MACC1: variants seen among roughly 807,000 people sequenced by gnomAD.
MACC1 encodes the protein MET transcriptional regulator MACC1, also known as metastasis-associated in colon cancer protein 1.
MACC1 carries 79 observed loss-of-function variants against 70.7 expected under a neutral mutation model. That is an observed-to-expected ratio of 1.12 (90% CI 0.93 to 1.35). The LOEUF (loss-of-function observed/expected upper bound fraction) is 1.35. MACC1 is among the 40% of genes most tolerant of loss of function. MACC1 has a pLI of 0.00. For synonymous variants in MACC1, 361 were observed against 347.2 expected, an observed-to-expected ratio of 1.04 and a Z score of -0.44; for missense variants, 1,106 against 978.1, an observed-to-expected ratio of 1.13 and a Z score of -1.74.
At chr7:20,154,497 T>A in intron 5 of MACC1, 116 bp from the exon 6 acceptor site, 2 of 1,030,050 alleles carry the variant, frequency 1.9e-6, no homozygotes, top group Non-Finnish European at 2.8e-6. Context: ...TCACTACACG[T>A]ATAATCGAGT....
rs1782022765 is a variant in MACC1, at chr7:20,154,257, G to A, written c.2282C>T (p.Thr761Ile). 1 of 1,613,790 alleles carries A rather than the reference G, an allele frequency of 6.2e-7. No homozygotes were observed. ...TTCATATGCCTCCATTTGTTGCTTT[G>A]TGAGTCGTACTAACTTTTCAGCTAG... ...RELAEKLVRL[T>I]KQQMEAYEIP... Residue 761 changes from threonine to isoleucine, a missense_variant, in exon 6 of 7, where the codon ACA becomes ATA. Physicochemically the swap from Thr to Ile is moderately conservative, Grantham distance 89. Transcript: ENST00000400331.
At chr7:20,153,286 A>G (rs1274738446) in intron 6 of MACC1, 4 of 152,174 alleles carry the variant, frequency 2.6e-5, no homozygotes, top group Non-Finnish European at 4.4e-5. Flanking sequence ...TGTTCACCCA[A>G]CTGGAATGGT....
chr7:20,205,871 A>C (rs1399811491), intron 1 of MACC1, among the ~76,000 whole-genome samples: 2 of 152,038 alleles, frequency 1.3e-5, no homozygotes, highest in African/African-American at 4.8e-5. Flanking sequence ...CCATGTGAAC[A>C]CTGTTTCCAT....
In MACC1 at chr7:20,158,341, A is replaced by AGT. The variant is rs778986111; in HGVS notation, c.2018_2019dup (p.Ser674ThrfsTer25). 2 of 1,613,822 alleles carry AGT rather than the reference A, an allele frequency of 1.2e-6. No homozygotes were observed. The highest frequency in any genetic ancestry group is 1.7e-6 in the Non-Finnish European group (2 of 1,179,996). On this transcript the variant is annotated frameshift_variant, in exon 5 of 7. Coordinates refer to ENST00000400331, the MANE Select transcript of MACC1 (RefSeq NM_182762.4). LOFTEE classifies it high-confidence loss of function. ...TCAAAATCTTCCAGGGACAGATGTG[A>AGT]GTAACCCAGGACATCAGCTAAAACT...
At chr7:20,193,778 C>A (rs945350754) in intron 1 of MACC1, among the ~76,000 whole-genome samples, 2 of 129,170 alleles carry the variant, frequency 1.5e-5, no homozygotes. Context: ...TCTTTCTATT[C>A]CTTCTTTTTT....
chr7:20,186,306 A>G (rs1583403415), intron 1 of MACC1, among the ~76,000 whole-genome samples: 2 of 152,314 alleles, frequency 1.3e-5, no homozygotes, highest in East Asian at 3.9e-4. Context: ...TATGACCAAC[A>G]ACATTCTAAA....
intron 1 of MACC1, among the ~76,000 whole-genome samples, chr7:20,178,792 GT>G (rs1432491859): frequency 6.6e-6 from 1 of 151,966 alleles, no homozygotes; most frequent in Non-Finnish European, 1.5e-5. Context: ...TAGACATGGG[GT>G]TTCTCCATGT....
At chr7:20,204,889 A>T (rs890950212) in intron 1 of MACC1, among the ~76,000 whole-genome samples, 2 of 152,178 alleles carry the variant, frequency 1.3e-5, no homozygotes, top group Non-Finnish European at 2.9e-5. Context: ...AATGAAGATG[A>T]CCCAGTGAGC....
intron 1 of MACC1, among the ~76,000 whole-genome samples, chr7:20,196,919 A>G (rs1782763111): frequency 6.6e-6 from 1 of 152,156 alleles, no homozygotes; most frequent in Non-Finnish European, 1.5e-5. Context: ...GTCACCCCAC[A>G]AAACCCCTAA....
intron 1 of MACC1, among the ~76,000 whole-genome samples, chr7:20,172,234 A>G (rs1007882662): frequency 9.9e-5 from 15 of 152,222 alleles, no homozygotes; most frequent in Admixed American, 5.2e-4. Flanking sequence ...CATACGGGTT[A>G]CAAGCAGGGT....
chr7:20,146,726 C>G (rs951183797), intron 6 of MACC1, among the ~76,000 whole-genome samples: 6 of 152,220 alleles, frequency 3.9e-5, no homozygotes, highest in African/African-American at 1.4e-4. Context: ...AAACTCTACA[C>G]TTGTGTTTTG....
intron 1 of MACC1, among the ~76,000 whole-genome samples, chr7:20,181,377 T>C (rs1395800834): frequency 6.6e-6 from 1 of 152,034 alleles, no homozygotes; most frequent in African/African-American, 2.4e-5. Context: ...GAATATTAGA[T>C]TAAATATTAT....
intron 6 of MACC1, among the ~76,000 whole-genome samples, chr7:20,149,021 A>T (rs988458095): frequency 6.6e-6 from 1 of 152,216 alleles, no homozygotes; most frequent in Non-Finnish European, 1.5e-5. Context: ...ACATCCCTGT[A>T]AGCAGAATCC....
rs1781703619 is a variant in MACC1 at position 20,135,192 on chromosome 7, T to C, written c.*5754A>G. On this transcript the variant is annotated 3_prime_UTR_variant, in exon 7 of 7. Transcript: ENST00000400331. ...TTACATATATTTTGTAAAATTATCT[T>C]AAAATTATACTGAATACATGTCCCA... 1 of 152,248 alleles carries C rather than the reference T, an allele frequency of 6.6e-6. No homozygotes were observed. Among genetic ancestry groups the C allele is most frequent in the Non-Finnish European group, 1.5e-5 (1 of 68,040 alleles). 9.4% of individuals were successfully genotyped at this position (152,248 alleles called of 1,614,324 possible).
intron 2 of MACC1, among the ~76,000 whole-genome samples, chr7:20,165,581 C>T (rs1019677646): frequency 6.6e-6 from 1 of 151,812 alleles, no homozygotes; most frequent in African/African-American, 2.4e-5. Context: ...TCTGCCTGGA[C>T]AATGGCATTG....
intron 1 of MACC1, among the ~76,000 whole-genome samples, chr7:20,199,459 C>T (rs7783348): frequency 0.011 from 1,684 of 152,318 alleles, 30 homozygotes; most frequent in African/African-American, 0.039. Context: ...AAGAAAGCAG[C>T]GAAGCACTCA....
chr7:20,200,644 C>T (rs966812150), intron 1 of MACC1, among the ~76,000 whole-genome samples: 3 of 152,212 alleles, frequency 2.0e-5, no homozygotes, highest in African/African-American at 4.8e-5. Context: ...CCATCAGCAC[C>T]TGATTTCTTT....
In MACC1 at chr7:20,195,080, C is replaced by G. The variant is rs147921159; in HGVS notation, c.-218+22219G>C. Among the ~76,000 whole-genome samples, 51 of 152,006 alleles carry G rather than the reference C, an allele frequency of 3.4e-4. 3 individuals are homozygous for G. The highest frequency in any genetic ancestry group is 1.1e-3 in the African/African-American group (44 of 41,452). ...ATAGGAAAATTTTTTTCCTCCTAAT[C>G]TTAACGTTTTCTCTTATTAAAAAAA... On this transcript the variant is annotated intron_variant, in intron 1 of 6. Transcript: ENST00000400331.
chr7:20,144,179 A>T (rs1781852042), intron 6 of MACC1, among the ~76,000 whole-genome samples: 1 of 152,216 alleles, frequency 6.6e-6, no homozygotes, highest in Non-Finnish European at 1.5e-5. Flanking sequence ...ATCAAGGTTT[A>T]TTATCTTCCA....
Sources: allele counts gnomAD v4.1 joint callset (sites outside exome capture counted in the v4.1 genomes callset), GRCh38; gene constraint gnomAD v4.1.1; transcripts MANE v1.5; gene names NCBI Gene and HGNC (gene_info 2026-07-23, HGNC 2026-07-21).